The following XRCC5 variants were observed in gnomAD, a reference collection of about 807,000 sequenced individuals.
XRCC5 encodes the protein DNA repair protein Ku80.
In XRCC5, 12 loss-of-function variants were observed where a neutral mutation model predicts 95.7. The observed-to-expected ratio is 0.13, with a 90% confidence interval of 0.08 to 0.20. The LOEUF is 0.20. XRCC5 is among the 10% of genes least tolerant of loss of function. XRCC5 has a pLI of 1.00. For missense variants in XRCC5, 595 were observed against 873.9 expected (o/e 0.68, Z 4.02); for synonymous variants, 281 against 290.3 (o/e 0.97, Z 0.33).
intron 8 of XRCC5, among the ~76,000 whole-genome samples, chr2:216,128,386 T>A (rs577203104): frequency 1.6e-4 from 25 of 152,342 alleles, no homozygotes; most frequent in African/African-American, 5.5e-4. Context: ...TCTGTGACAC[T>A]GTATTTCATC....
At chr2:216,116,925 A>T in intron 3 of XRCC5, 83 bp downstream of exon 3, 1 of 1,467,888 alleles carries the variant, frequency 6.8e-7, no homozygotes, top group South Asian at 1.2e-5. Flanking sequence ...ACACCCCCAG[A>T]GTTTCAGCTA....
At chr2:216,122,026 A>G in intron 5 of XRCC5, 36 bp from the exon 6 acceptor site, 1 of 1,563,588 alleles carries the variant, frequency 6.4e-7, no homozygotes, top group Non-Finnish European at 8.7e-7. Flanking sequence ...CAGTTACAGG[A>G]TTAGAACACT....
intron 11 of XRCC5, 134 bp downstream of exon 11, chr2:216,137,359 G>T: frequency 9.7e-7 from 1 of 1,028,418 alleles, no homozygotes. Flanking sequence ...GTAGTTCTGG[G>T]GCAGGGCCCA....
intron 13 of XRCC5, among the ~76,000 whole-genome samples, chr2:216,141,915 A>G (rs1697178951): frequency 6.6e-6 from 1 of 152,154 alleles, no homozygotes; most frequent in African/African-American, 2.4e-5. Context: ...TTAGCCGGGC[A>G]TGGTAGCACG....
At chr2:216,110,764 G>A (rs866397050) in intron 1 of XRCC5, among the ~76,000 whole-genome samples, 2 of 152,178 alleles carry the variant, frequency 1.3e-5, no homozygotes, top group African/African-American at 4.8e-5. Flanking sequence ...TTTTGTGGGT[G>A]TGTATCAAAT....
chr2:216,165,481 C>T (rs1689038951), intron 16 of XRCC5, among the ~76,000 whole-genome samples: 1 of 152,196 alleles, frequency 6.6e-6, no homozygotes, highest in Non-Finnish European at 1.5e-5. Context: ...CGTTTTATCC[C>T]TTCTGCCGTT....
intron 10 of XRCC5, among the ~76,000 whole-genome samples, chr2:216,134,207 C>G (rs956745020): frequency 2.6e-5 from 4 of 152,140 alleles, no homozygotes; most frequent in African/African-American, 9.7e-5. Context: ...TATTCTGATT[C>G]TTTGGATAAT....
At chr2:216,137,891 C>G (rs1436093930) in intron 11 of XRCC5, among the ~76,000 whole-genome samples, 198 bp from the exon 12 acceptor site, 1 of 152,152 alleles carries the variant, frequency 6.6e-6, no homozygotes, top group Non-Finnish European at 1.5e-5. Flanking sequence ...TTCTCTTATG[C>G]TTAATATTCT....
chr2:216,178,467 G>C (rs1007387058), intron 16 of XRCC5, among the ~76,000 whole-genome samples: 9 of 151,682 alleles, frequency 5.9e-5, no homozygotes, highest in African/African-American at 2.2e-4. Context: ...ATAATAAATT[G>C]GGGATATAGT....
At chr2:216,203,304 A>C (rs1364403787) in intron 19 of XRCC5, among the ~76,000 whole-genome samples, 1 of 152,126 alleles carries the variant, frequency 6.6e-6, no homozygotes, top group Non-Finnish European at 1.5e-5. Flanking sequence ...GGAAAAGTAG[A>C]AGTGCCCCAC....
At chr2:216,176,166 T>G (rs1207686307) in intron 16 of XRCC5, 2 of 163,192 alleles carry the variant, frequency 1.2e-5, no homozygotes, top group Non-Finnish European at 2.6e-5. Context: ...TTGCCCAGGC[T>G]GGAGTGTAGT....
At chr2:216,134,857 G>A (rs1574460003) in intron 10 of XRCC5, among the ~76,000 whole-genome samples, 1 of 152,118 alleles carries the variant, frequency 6.6e-6, no homozygotes, top group Admixed American at 6.5e-5. Flanking sequence ...TTTCTTATGG[G>A]ACTTAACTAT....
In XRCC5 at chr2:216,157,396, G is replaced by T. The variant is rs529177382; in HGVS notation, c.1671-2672G>T. On this transcript the variant is annotated intron_variant, in intron 14 of 20. Coordinates refer to ENST00000392132, the MANE Select transcript of XRCC5 (RefSeq NM_021141.4). ...CTACAGGTGCCCGCCACCATGCCCGGCTAATGTTTTGTACTTTTAATAGAG... is the reference window on the plus strand; with the variant it reads ...CTACAGGTGCCCGCCACCATGCCCGTCTAATGTTTTGTACTTTTAATAGAG... Among the ~76,000 whole-genome samples the T allele has an allele frequency of 2.0e-5, 3 of 152,028 alleles. No individual in the cohort carries two copies. In the East Asian group the frequency reaches 5.8e-4, roughly 29 times the overall value.
chr2:216,171,108 A>G (rs867628837), intron 16 of XRCC5, among the ~76,000 whole-genome samples: 36 of 152,352 alleles, frequency 2.4e-4, no homozygotes, highest in African/African-American at 7.7e-4. Flanking sequence ...TATTTAGGAA[A>G]GGATGTTAGG....
intron 3 of XRCC5, 62 bp from the exon 4 acceptor site, chr2:216,117,684 A>G (rs1025675753): frequency 6.4e-7 from 1 of 1,556,318 alleles, no homozygotes; most frequent in East Asian, 2.3e-5. Flanking sequence ...ACTTCATTGG[A>G]AAGAGTTGCG....
At chr2:216,170,999 G>T (rs933943338) in intron 16 of XRCC5, among the ~76,000 whole-genome samples, 1 of 152,170 alleles carries the variant, frequency 6.6e-6, no homozygotes, top group African/African-American at 2.4e-5. Flanking sequence ...GGTTGAAAAA[G>T]GAAACCGGTT....
chr2:216,156,709 C>T (rs1688849739), intron 14 of XRCC5: 1 of 539,120 alleles, frequency 1.9e-6, no homozygotes, highest in Non-Finnish European at 3.8e-6. Flanking sequence ...TTGTACTACA[C>T]AGCTGCACAA....
chr2:216,148,016 A>T lies in XRCC5; in HGVS notation c.1477-67A>T, dbSNP rs41296406. ...CCACACTAAAGATGGAGGATCCCTG[A>T]TCAGAAAATATAAAGAAGCCATATA... On this transcript the variant is annotated intron_variant, in intron 13 of 20. Coordinates refer to ENST00000392132, the MANE Select transcript of XRCC5 (RefSeq NM_021141.4). The T allele has an allele frequency of 5.5e-3, 8,295 of 1,511,266 alleles. 384 individuals carry two copies. In the African/African-American group the frequency reaches 0.1, roughly 19 times the overall value. The allele number at this position is 1,511,266 out of a possible 1,614,324, so 93.6% of individuals were successfully genotyped here. A position where few individuals can be genotyped will look rare whatever the true frequency, so the allele number is the denominator to read the frequency against.
chr2:216,193,263 C>T (rs1689652660), intron 18 of XRCC5, among the ~76,000 whole-genome samples: 1 of 152,208 alleles, frequency 6.6e-6, no homozygotes, highest in Admixed American at 6.5e-5. Flanking sequence ...GAAGACAGCA[C>T]ACATTCTTTC....
Sources: gnomAD v4.1 joint callset for allele counts (sites outside exome capture counted in the v4.1 genomes callset) on GRCh38, gnomAD v4.1.1 for gene constraint, MANE v1.5 for transcripts, NCBI Gene and HGNC (gene_info 2026-07-23, HGNC 2026-07-21) for gene names.